Variants in RASGRP1 observed in about 807,000 individuals in gnomAD.
RASGRP1 encodes the protein RAS guanyl releasing protein 1.
Under a neutral mutation model 95.1 loss-of-function variants are expected in RASGRP1, and 37 were observed. The ratio of observed to expected loss-of-function variants is 0.39; its 90% confidence interval spans 0.30 to 0.51. The LOEUF (loss-of-function observed/expected upper bound fraction) is 0.51, where lower values mean the gene tolerates loss of function less well. Ranked by LOEUF, RASGRP1 falls within the 20% of genes least tolerant of loss-of-function variation. RASGRP1 has a pLI of 0.80. For missense variants in RASGRP1, 711 were observed against 965.4 expected (o/e 0.74, Z 3.49); for synonymous variants, 325 against 353.4 (o/e 0.92, Z 0.90).
chr15:38,531,079 A>G (rs189814285), intron 2 of RASGRP1, among the ~76,000 whole-genome samples: 225 of 152,364 alleles, frequency 1.5e-3, no homozygotes, highest in African/African-American at 5.3e-3. Flanking sequence ...TGTAATTAGC[A>G]TAGCAGCTAT....
intron 2 of RASGRP1, among the ~76,000 whole-genome samples, chr15:38,536,723 T>C (rs930811106): frequency 6.6e-6 from 1 of 152,164 alleles, no homozygotes; most frequent in Non-Finnish European, 1.5e-5. Flanking sequence ...AAAATAGAAA[T>C]CCACTGACCA....
At position 38,490,616 on chromosome 15, in the gene RASGRP1, A is replaced by G; in HGVS notation, c.2332T>C (p.Ser778Pro). ...TGATTGCTTTTTTCAAGCTGGAGGG[A>G]TTCTATTTTCTTCTGTGCATATTTC... is the stretch of plus-strand genomic sequence containing the variant. ...QLKYAQKKIESLQLEKSNHVL... is the reference protein window; with the variant it reads ...QLKYAQKKIEPLQLEKSNHVL... The change falls in exon 17 of 17, where the codon TCC (serine) becomes CCC (proline). Residue 778 changes from serine (S) to proline (P), a missense_variant. Ser to Pro is a moderately conservative substitution (Grantham distance 74, BLOSUM62 -1). Around this residue, in one of 3 missense-constraint regions of RASGRP1, gnomAD observed 212 missense variants for 247.8 expected, o/e 0.86. Transcript: ENST00000310803. 1 of 1,613,168 alleles carries G rather than the reference A, an allele frequency of 6.2e-7. No individual in the cohort carries two copies. Among genetic ancestry groups the G allele is most frequent in the Middle Eastern group, 1.7e-4 (1 of 6,060 alleles).
intron 2 of RASGRP1, among the ~76,000 whole-genome samples, chr15:38,533,965 G>A (rs1425692125): frequency 2.0e-5 from 3 of 152,224 alleles, no homozygotes; most frequent in Non-Finnish European, 4.4e-5. Flanking sequence ...TCAGCTCTCA[G>A]GACAGGTGTG....
At chr15:38,519,453 T>C in intron 3 of RASGRP1, 82 bp from the exon 4 acceptor site, 1 of 1,000,578 alleles carries the variant, frequency 1.0e-6, no homozygotes, top group Non-Finnish European at 1.5e-6. Flanking sequence ...TTGCTGAAAC[T>C]ACCTCCCAAA....
intron 2 of RASGRP1, among the ~76,000 whole-genome samples, chr15:38,542,833 GTGTATATATATATA>G (rs1566933315): frequency 1.3e-3 from 151 of 116,200 alleles, no homozygotes; most frequent in Middle Eastern, 9.7e-3. Context: ...ACATATATAT[GTGTATATATATATA>G]TGTGTATATA....
intron 15 of RASGRP1, among the ~76,000 whole-genome samples, chr15:38,495,422 A>T (rs1375048336): frequency 1.3e-5 from 2 of 152,204 alleles, no homozygotes; most frequent in Admixed American, 6.5e-5. Flanking sequence ...GTAAGAGCAG[A>T]TGTATTTGAG....
chr15:38,561,369 A>G (rs1893803837), intron 1 of RASGRP1, among the ~76,000 whole-genome samples: 1 of 152,250 alleles, frequency 6.6e-6, no homozygotes, highest in Non-Finnish European at 1.5e-5. Flanking sequence ...AGACTGAGAT[A>G]ATGAAAAGAA....
chr15:38,541,157 T>TGCATTATCTCATTTGAC (rs1467873859), intron 2 of RASGRP1, among the ~76,000 whole-genome samples: 2 of 152,220 alleles, frequency 1.3e-5, no homozygotes, highest in Admixed American at 6.5e-5. Flanking sequence ...TACTTTCACA[T>TGCATTATCTCATTTGAC]GCATTATCTC....
At chr15:38,512,984 A>C (rs55888286) in intron 6 of RASGRP1, 28 bp from the exon 7 acceptor site, 67,379 of 1,477,026 alleles carry the variant, frequency 0.046, 1,635 homozygotes, top group African/African-American at 0.064. Context: ...ACAACAACAA[A>C]AAAAACCTAT....
intron 15 of RASGRP1, among the ~76,000 whole-genome samples, chr15:38,495,632 T>C (rs1163277912): frequency 1.3e-5 from 2 of 152,208 alleles, no homozygotes; most frequent in African/African-American, 2.4e-5. Flanking sequence ...CTAGAAATCT[T>C]ACAAAGATCT....
At chr15:38,542,351 A>G (rs1364598630) in intron 2 of RASGRP1, among the ~76,000 whole-genome samples, 1 of 152,056 alleles carries the variant, frequency 6.6e-6, no homozygotes, top group Non-Finnish European at 1.5e-5. Flanking sequence ...AAACAAAACA[A>G]CAAACAAAAA....
intron 15 of RASGRP1, among the ~76,000 whole-genome samples, chr15:38,498,401 T>C (rs1312452019): frequency 6.6e-6 from 1 of 152,200 alleles, no homozygotes; most frequent in Admixed American, 6.5e-5. Flanking sequence ...TATATGTTAA[T>C]TTACATTATA....
chr15:38,501,216 C>A lies in RASGRP1; in HGVS notation c.1610G>T (p.Gly537Val). The change falls in exon 13 of 17, where the codon GGC becomes GTC. Residue 537 changes from glycine to valine, a missense_variant. Gly to Val is a moderately radical substitution (Grantham distance 109, BLOSUM62 -3). Coordinates refer to ENST00000310803, the MANE Select transcript of RASGRP1 (RefSeq NM_005739.4). ...TTGGAAGTTGTGAGGAAAGCCCAGG[C>A]CCAGCTTGGAATAGATTGAGCTGGC... ...MRASSIYSKL[G>V]LGFPHNFQET... 1 of 1,612,980 alleles carries A rather than the reference C, an allele frequency of 6.2e-7. No individual in the cohort carries two copies. The highest frequency in any genetic ancestry group is 8.5e-7 in the Non-Finnish European group (1 of 1,179,202).
At chr15:38,560,436 C>T (rs1416296853) in intron 1 of RASGRP1, among the ~76,000 whole-genome samples, 2 of 152,182 alleles carry the variant, frequency 1.3e-5, no homozygotes, top group Non-Finnish European at 2.9e-5. Context: ...AATCCCAGCA[C>T]CTTGGGAGGC....
chr15:38,525,288 C>T (rs1377706455), intron 3 of RASGRP1, among the ~76,000 whole-genome samples: 2 of 151,998 alleles, frequency 1.3e-5, no homozygotes, highest in African/African-American at 4.8e-5. Context: ...CAATTTAGTC[C>T]CTAGGCCAAC....
chr15:38,509,484 T>A (rs1156958907), intron 8 of RASGRP1, among the ~76,000 whole-genome samples: 1 of 152,214 alleles, frequency 6.6e-6, no homozygotes, highest in African/African-American at 2.4e-5. Flanking sequence ...CCCAGCACTT[T>A]GGGAGACCGA....
chr15:38,517,012 A>C (rs1891815784), intron 5 of RASGRP1, among the ~76,000 whole-genome samples: 1 of 152,146 alleles, frequency 6.6e-6, no homozygotes, highest in South Asian at 2.1e-4. Flanking sequence ...AAACAAGCAA[A>C]GGGAAGCGGC....
chr15:38,535,693 G>C (rs1025424692), intron 2 of RASGRP1, among the ~76,000 whole-genome samples: 3 of 152,232 alleles, frequency 2.0e-5, no homozygotes, highest in African/African-American at 7.2e-5. Context: ...AAAGTGTGAA[G>C]CTCTATGTAA....
At chr15:38,553,702 G>A (rs1201234723) in intron 2 of RASGRP1, among the ~76,000 whole-genome samples, 6 of 152,186 alleles carry the variant, frequency 3.9e-5, no homozygotes, top group East Asian at 1.9e-4. Context: ...ACAGACAGGC[G>A]TGCTGTACAT....
Sources: allele counts gnomAD v4.1 joint callset (sites outside exome capture counted in the v4.1 genomes callset), GRCh38; gene constraint gnomAD v4.1.1; regional missense constraint gnomAD v4.1.1; transcripts MANE v1.5; gene names NCBI Gene and HGNC (gene_info 2026-07-23, HGNC 2026-07-21).